The following ENTREP2 variants were observed in gnomAD, a reference collection of about 807,000 sequenced individuals.
ENTREP2 encodes the protein endosomal transmembrane epsin interactor 2.
the ENTREP2 span, among the ~76,000 whole-genome samples, chr15:29,177,818 T>C: frequency 8.5e-5 from 12 of 141,538 alleles, no homozygotes. Context: ...GAAGGCTGAG[T>C]GCAGAGGTGG....
the ENTREP2 span, among the ~76,000 whole-genome samples, chr15:29,358,368 A>G: frequency 6.6e-6 from 1 of 152,250 alleles, no homozygotes; most frequent in East Asian, 1.9e-4. Context: ...ACAAAGTTCA[A>G]AAGCAAAAGT....
the ENTREP2 span, among the ~76,000 whole-genome samples, chr15:29,127,739 G>C: frequency 1.3e-5 from 2 of 152,164 alleles, no homozygotes; most frequent in Admixed American, 1.3e-4. Context: ...TTCTGGGTGA[G>C]GAGCACCCCT....
At chr15:29,184,699 G>A in the ENTREP2 span, among the ~76,000 whole-genome samples, 5 of 152,126 alleles carry the variant, frequency 3.3e-5, no homozygotes, top group Non-Finnish European at 5.9e-5. Context: ...CCTATGCAGC[G>A]AAACCAGCCC....
At chr15:29,310,303 A>T in the ENTREP2 span, among the ~76,000 whole-genome samples, 1 of 152,140 alleles carries the variant, frequency 6.6e-6, no homozygotes, top group Non-Finnish European at 1.5e-5. Flanking sequence ...ACAATTTTTT[A>T]AAATCTCTTT....
chr15:29,352,359 A>G, the ENTREP2 span, among the ~76,000 whole-genome samples: 2 of 152,232 alleles, frequency 1.3e-5, no homozygotes, highest in Non-Finnish European at 2.9e-5. Context: ...GGTGGTGTAT[A>G]AGGCAAATCA....
At chr15:29,296,294 A>G in the ENTREP2 span, among the ~76,000 whole-genome samples, 1 of 152,202 alleles carries the variant, frequency 6.6e-6, no homozygotes, top group African/African-American at 2.4e-5. Flanking sequence ...GTGATGAGAA[A>G]TAGTTACATT....
At chr15:29,493,022 G>T in the ENTREP2 span, among the ~76,000 whole-genome samples, 1 of 143,308 alleles carries the variant, frequency 7.0e-6, no homozygotes, top group African/African-American at 2.6e-5. Context: ...AAAAGTTTTT[G>T]TTGAAATAAA....
At chr15:29,608,944 C>T in the ENTREP2 span, among the ~76,000 whole-genome samples, 3 of 152,056 alleles carry the variant, frequency 2.0e-5, no homozygotes, top group Non-Finnish European at 2.9e-5. Flanking sequence ...CTGCTCGTCT[C>T]GAATTGGCCC....
chr15:29,267,893 G>A, the ENTREP2 span: 3 of 152,168 alleles, frequency 2.0e-5, no homozygotes, highest in African/African-American at 7.2e-5. Context: ...TACTAGTTAT[G>A]GTGGGGCCAG....
the ENTREP2 span, among the ~76,000 whole-genome samples, chr15:29,300,542 GTGT>G: frequency 6.6e-6 from 1 of 152,194 alleles, no homozygotes; most frequent in African/African-American, 2.4e-5. Flanking sequence ...AAAACTCTAT[GTGT>G]TGTTATGAAC....
the ENTREP2 span, among the ~76,000 whole-genome samples, chr15:29,456,770 G>T: frequency 6.6e-6 from 1 of 152,338 alleles, no homozygotes; most frequent in South Asian, 2.1e-4. Context: ...CTACTTGGAG[G>T]AAAGTTTTCA....
chr15:29,499,495 C>T, the ENTREP2 span, among the ~76,000 whole-genome samples: 9 of 151,886 alleles, frequency 5.9e-5, no homozygotes, highest in Non-Finnish European at 1.3e-4. Flanking sequence ...GATCCTCTCA[C>T]CCAAGCCTCC....
At chr15:29,325,041 T>C in the ENTREP2 span, among the ~76,000 whole-genome samples, 1 of 152,186 alleles carries the variant, frequency 6.6e-6, no homozygotes, top group South Asian at 2.1e-4. Flanking sequence ...CAGAAAAAGA[T>C]GGAAATTCCC....
chr15:29,228,358 T>C, the ENTREP2 span, among the ~76,000 whole-genome samples: 1 of 152,042 alleles, frequency 6.6e-6, no homozygotes, highest in East Asian at 1.9e-4. Flanking sequence ...AACAAAATAC[T>C]GTATGCTTCC....
At chr15:29,563,343 CTTT>C in the ENTREP2 span, among the ~76,000 whole-genome samples, 1 of 152,064 alleles carries the variant, frequency 6.6e-6, no homozygotes, top group African/African-American at 2.4e-5. Flanking sequence ...ATATCACCTT[CTTT>C]TTTTTATTAT....
chr15:29,159,377 G>C, the ENTREP2 span, among the ~76,000 whole-genome samples: 4 of 152,184 alleles, frequency 2.6e-5, no homozygotes, highest in African/African-American at 4.8e-5. Context: ...CCGAGAGAGT[G>C]AGCAGCAGCA....
At chr15:29,402,185 C>T in the ENTREP2 span, among the ~76,000 whole-genome samples, 1 of 151,064 alleles carries the variant, frequency 6.6e-6, no homozygotes, top group Non-Finnish European at 1.5e-5. Context: ...AGGTGTGCAG[C>T]AAGAGGGAAT....
chr15:29,513,506 G>A, the ENTREP2 span, among the ~76,000 whole-genome samples: 23 of 152,306 alleles, frequency 1.5e-4, no homozygotes, highest in Admixed American at 3.3e-4. Context: ...CACCTTCTCC[G>A]TGGAGGGAAG....
the ENTREP2 span, among the ~76,000 whole-genome samples, chr15:29,657,359 G>C: frequency 6.6e-6 from 1 of 150,756 alleles, no homozygotes; most frequent in African/African-American, 2.4e-5. Flanking sequence ...AGACGGCAGT[G>C]TTACAGTTCT....
Sources: allele counts gnomAD v4.1 joint callset (sites outside exome capture counted in the v4.1 genomes callset), GRCh38; gene constraint gnomAD v4.1.1; transcripts MANE v1.5; gene names NCBI Gene and HGNC (gene_info 2026-07-23, HGNC 2026-07-21).